Variants in SGCD observed in about 807,000 individuals in gnomAD.
SGCD encodes the protein delta-sarcoglycan.
Under a neutral mutation model 36.6 loss-of-function variants are expected in SGCD, and 18 were observed. The observed-to-expected ratio is 0.49, with a 90% CI of 0.34 to 0.73. The LOEUF (loss-of-function observed/expected upper bound fraction) is 0.73, where lower values mean the gene tolerates loss of function less well. SGCD is among the 30% of genes least tolerant of loss of function. SGCD has a pLI of 0.01. For missense variants in SGCD, 387 were observed against 346.7 expected, an observed-to-expected ratio of 1.12 and a Z score of -0.92; for synonymous variants, 133 against 130.6, an observed-to-expected ratio of 1.02 and a Z score of -0.12.
intron 1 of SGCD, among the ~76,000 whole-genome samples, chr5:156,025,241 G>A (rs899319462): frequency 6.6e-6 from 1 of 152,246 alleles, no homozygotes; most frequent in Non-Finnish European, 1.5e-5. Context: ...AAATGAGAGG[G>A]CTGGGAGGTC....
At chr5:156,244,255 T>G (rs187495) in intron 3 of SGCD, among the ~76,000 whole-genome samples, 2 of 151,932 alleles carry the variant, frequency 1.3e-5, no homozygotes, top group South Asian at 2.1e-4. Flanking sequence ...AAGACCCTGA[T>G]AGTCAAGAAA....
chr5:155,959,400 G>C (rs560598581), intron 1 of SGCD, among the ~76,000 whole-genome samples: 1 of 152,174 alleles, frequency 6.6e-6, no homozygotes, highest in East Asian at 1.9e-4. Context: ...ACTTGCCAAG[G>C]GACATTTCCT....
intron 7 of SGCD, among the ~76,000 whole-genome samples, chr5:156,732,108 C>G (rs1756108634): frequency 6.6e-6 from 1 of 152,092 alleles, no homozygotes; most frequent in Admixed American, 6.5e-5. Context: ...GTTTGACTTC[C>G]TGTCTTCCTA....
intron 3 of SGCD, among the ~76,000 whole-genome samples, chr5:156,487,651 G>T (rs979628622): frequency 1.3e-5 from 2 of 151,646 alleles, no homozygotes; most frequent in African/African-American, 4.8e-5. Flanking sequence ...AGCCAGGCGT[G>T]GTGGTGTGTG....
chr5:156,709,756 A>G (rs1443709839), intron 7 of SGCD, among the ~76,000 whole-genome samples: 1 of 152,148 alleles, frequency 6.6e-6, no homozygotes, highest in African/African-American at 2.4e-5. Flanking sequence ...GCAGAAATTC[A>G]TTCTCCAGGT....
rs945933022 is a variant in SGCD at position 156,000,843 on chromosome 5, T to C, written c.-281-117035T>C. On this transcript the variant is annotated intron_variant, in intron 1 of 9. Coordinates refer to the SGCD transcript ENST00000517913. ...TTGCCCTCCCCACCCTTTCAGTTTT[T>C]ATTTTATGTCTGGGATGGGGCCTAA... 2.0e-5 allele frequency among the ~76,000 whole-genome samples: 3 copies of C among 151,972 alleles called. No homozygotes were observed. In the East Asian group the frequency reaches 5.8e-4, roughly 29 times the overall value.
the SGCD span, among the ~76,000 whole-genome samples, chr5:155,749,385 T>A: frequency 2.0e-5 from 3 of 152,198 alleles, no homozygotes; most frequent in African/African-American, 7.2e-5. Context: ...TCTGAAGAAC[T>A]ATCAGATTAC....
intron 1 of SGCD, among the ~76,000 whole-genome samples, chr5:156,009,872 C>A (rs886622603): frequency 6.6e-6 from 1 of 152,118 alleles, no homozygotes; most frequent in Non-Finnish European, 1.5e-5. Context: ...CTTTGAAATG[C>A]GCATCCTCAG....
At chr5:156,115,474 C>T (rs937239384) in intron 1 of SGCD, among the ~76,000 whole-genome samples, 1 of 152,012 alleles carries the variant, frequency 6.6e-6, no homozygotes, top group Non-Finnish European at 1.5e-5. Flanking sequence ...AGCAAATTCC[C>T]ACCCATAGTA....
intron 3 of SGCD, among the ~76,000 whole-genome samples, chr5:156,455,414 G>A (rs1754211906): frequency 6.6e-6 from 1 of 150,724 alleles, no homozygotes; most frequent in African/African-American, 2.5e-5. Context: ...TTTGCTGAGG[G>A]CTTCTTAATG....
intron 3 of SGCD, 131 bp from the exon 4 acceptor site, chr5:156,508,470 A>G: frequency 1.6e-6 from 1 of 618,316 alleles, no homozygotes; most frequent in Non-Finnish European, 2.9e-6. Flanking sequence ...ATGTTTTTTG[A>G]ATACCCGTCC....
intron 2 of SGCD, among the ~76,000 whole-genome samples, chr5:156,333,887 G>A (rs17053427): frequency 0.014 from 1,802 of 125,558 alleles, 42 homozygotes; most frequent in African/African-American, 0.05. Context: ...TGTGAAACCA[G>A]GAGTTCAAGC....
At chr5:155,784,936 G>T in the SGCD span, among the ~76,000 whole-genome samples, 2 of 151,858 alleles carry the variant, frequency 1.3e-5, no homozygotes, top group African/African-American at 4.8e-5. Flanking sequence ...AATTGCTGAT[G>T]GGAATGTAAA....
At chr5:156,541,404 G>T (rs77362812) in intron 4 of SGCD, among the ~76,000 whole-genome samples, 18,898 of 152,142 alleles carry the variant, frequency 0.12, 1,335 homozygotes, top group Admixed American at 0.17. Context: ...GCTCCTCGGT[G>T]GTTCAGGTGA....
At chr5:156,364,694 G>T (rs1769995533) in intron 3 of SGCD, among the ~76,000 whole-genome samples, 2 of 152,140 alleles carry the variant, frequency 1.3e-5, no homozygotes, top group Admixed American at 6.5e-5. Flanking sequence ...TCATTTCAGA[G>T]GATAAGAAAT....
rs1057109304 is a variant in SGCD, at chr5:155,902,237, G to A, written c.-282+31813G>A. 6.6e-5 allele frequency among the ~76,000 whole-genome samples: 10 copies of A among 152,258 alleles called. No individual in the cohort carries two copies. The East Asian group carries it at 1.7e-3, about 26-fold the overall frequency. On this transcript the variant is annotated intron_variant, in intron 1 of 9. Coordinates refer to the SGCD transcript ENST00000517913. ...ATAGTCATGTAACTAAGTCTTAGAGGTGTGAAGATTCGGGAAATAAGATAA... is the reference window on the plus strand; with the variant it reads ...ATAGTCATGTAACTAAGTCTTAGAGATGTGAAGATTCGGGAAATAAGATAA...
At chr5:156,387,578 T>G (rs989546623) in intron 3 of SGCD, among the ~76,000 whole-genome samples, 1 of 152,208 alleles carries the variant, frequency 6.6e-6, no homozygotes, top group African/African-American at 2.4e-5. Context: ...AGGCAAAATA[T>G]TCTTTGCTAA....
chr5:156,212,638 A>G (rs1764474925), intron 3 of SGCD, among the ~76,000 whole-genome samples: 1 of 152,142 alleles, frequency 6.6e-6, no homozygotes, highest in Non-Finnish European at 1.5e-5. Context: ...TAAACTTTAG[A>G]CCAAATAGAA....
rs1375374108 is a variant in SGCD, at chr5:156,274,991, C to T, written c.-43-54543C>T. On this transcript the variant is annotated intron_variant, in intron 3 of 9. Transcript: ENST00000517913. Reference sequence around the variant, plus strand: ...TTAGGCTGAGTAAAATGTCAGTGGACACAGGGACCCAGTGTCTCCAGACTT... The same window carrying T: ...TTAGGCTGAGTAAAATGTCAGTGGATACAGGGACCCAGTGTCTCCAGACTT... 2.0e-5 allele frequency among the ~76,000 whole-genome samples: 3 copies of T among 152,148 alleles called. No individual in the cohort carries two copies. The East Asian group carries it at 5.8e-4, about 29-fold the overall frequency.
Sources: gnomAD v4.1 joint callset for allele counts (sites outside exome capture counted in the v4.1 genomes callset) on GRCh38, gnomAD v4.1.1 for gene constraint, MANE v1.5 for transcripts, NCBI Gene and HGNC (gene_info 2026-07-23, HGNC 2026-07-21) for gene names.